KIR2DL3: variants seen among roughly 807,000 people sequenced by gnomAD.
The protein encoded by KIR2DL3 is killer cell immunoglobulin like receptor, two Ig domains and long cytoplasmic tail 3.
A neutral mutation model predicts 33.8 loss-of-function variants in KIR2DL3; 39 were observed. The ratio of observed to expected loss-of-function variants is 1.15; its 90% CI spans 0.89 to 1.51. KIR2DL3 has a LOEUF of 1.51. Among genes scored for constraint, KIR2DL3 ranks in the 40% most tolerant of loss-of-function variants. The pLI is 0.00. For missense variants in KIR2DL3, 462 were observed against 426.2 expected, an observed-to-expected ratio of 1.08 and a Z score of -0.74; for synonymous variants, 174 against 160.2, an observed-to-expected ratio of 1.09 and a Z score of -0.65.
intron 4 of KIR2DL3, among the ~76,000 whole-genome samples, chr19:54,746,580 G>A (rs1376558060): frequency 1.4e-5 from 2 of 147,608 alleles, no homozygotes; most frequent in South Asian, 4.5e-4. Context: ...TATAGTGACA[G>A]GTAGAGGTGC....
intron 4 of KIR2DL3, among the ~76,000 whole-genome samples, chr19:54,745,206 G>A (rs2072265934): frequency 6.6e-6 from 1 of 151,944 alleles, no homozygotes; most frequent in Non-Finnish European, 1.5e-5. Context: ...CTGATGGGCA[G>A]GTAGGTTGAC....
chr19:54,744,206 TG>T (rs2071803089), intron 4 of KIR2DL3, 118 bp downstream of exon 4: 47 of 1,488,708 alleles, frequency 3.2e-5, no homozygotes, highest in Non-Finnish European at 4.2e-5. Context: ...AGCTTGGGTG[TG>T]AGGGAGGGAT....
chr19:54,750,351 A>G (rs913758165), intron 5 of KIR2DL3, among the ~76,000 whole-genome samples: 1 of 141,776 alleles, frequency 7.1e-6, no homozygotes, highest in Non-Finnish European at 1.5e-5. Flanking sequence ...GTATTGAAGC[A>G]ATAGATGGCC....
Position 54,750,235 on chromosome 19 carries a change from G to A in KIR2DL3, c.716-1414G>A, listed in dbSNP as rs1288579719. Among the ~76,000 whole-genome samples the A allele has an allele frequency of 1.5e-5, 2 of 133,414 alleles. 1 individual carries two copies. Among genetic ancestry groups the A allele is most frequent in the Non-Finnish European group, 3.3e-5 (2 of 60,964 alleles). The allele number at this position is 133,414 out of a possible 152,430, so 87.5% of individuals were successfully genotyped here. On this transcript the variant is annotated intron_variant, in intron 5 of 7. Coordinates refer to ENST00000342376, the MANE Select transcript of KIR2DL3 (RefSeq NM_015868.3). ...TGGAGATTCAGATAGGCTATGGGGA[G>A]GTAAACATTGATACTCCTTGGAGTG...
In KIR2DL3 at chr19:54,744,583, G is replaced by T. The variant is rs867721882; in HGVS notation, c.664+495G>T. On this transcript the variant is annotated intron_variant, in intron 4 of 7. Coordinates refer to ENST00000342376, the MANE Select transcript of KIR2DL3 (RefSeq NM_015868.3). ...GCTCTGTCCCCTATGCTGGAGTGCAGTGGCACAATCTCAGCTCACTGCAAC... is the reference window on the plus strand; with the variant it reads ...GCTCTGTCCCCTATGCTGGAGTGCATTGGCACAATCTCAGCTCACTGCAAC... Among the ~76,000 whole-genome samples the T allele has an allele frequency of 7.5e-4, 113 of 150,378 alleles. No individual in the cohort carries two copies. In the Middle Eastern group the frequency reaches 0.014, roughly 18 times the overall value.
rs111263451 is a variant in KIR2DL3 at position 54,738,744 on chromosome 19, A to C, written c.34+165A>C. Among the ~76,000 whole-genome samples, 29 of 129,298 alleles carry C rather than the reference A, an allele frequency of 2.2e-4. 1 individual carries two copies. The highest frequency in any genetic ancestry group is 8.7e-4 in the African/African-American group (28 of 32,268). 84.8% of individuals were successfully genotyped at this position (129,298 alleles called of 152,430 possible). Reference sequence around the variant, plus strand: ...GGAGATCTGGGCCTGGAGTGGAGATATGGGCCTGGAGGTTGAGATATGGGC... The same window carrying C: ...GGAGATCTGGGCCTGGAGTGGAGATCTGGGCCTGGAGGTTGAGATATGGGC... On this transcript the variant is annotated intron_variant, in intron 1 of 7. Coordinates refer to ENST00000342376, the MANE Select transcript of KIR2DL3 (RefSeq NM_015868.3).
intron 4 of KIR2DL3, among the ~76,000 whole-genome samples, chr19:54,744,538 T>C (rs1334836936): frequency 6.6e-6 from 1 of 152,042 alleles, no homozygotes; most frequent in Non-Finnish European, 1.5e-5. Context: ...ACATTTTTTT[T>C]TTTTTTGAGG....
In KIR2DL3 at chr19:54,752,566, G is replaced by T; in HGVS notation, c.*47G>T. ...TGAGCACCACAGTCAGGCCTTGAGG[G>T]GATCTTCTAGGGAGACAACAGCCCT... On this transcript the variant is annotated 3_prime_UTR_variant, in exon 8 of 8. Coordinates refer to ENST00000342376, the MANE Select transcript of KIR2DL3 (RefSeq NM_015868.3). 1.4e-6 allele frequency: 2 copies of T among 1,458,772 alleles called. 1 individual carries two copies. Among genetic ancestry groups the T allele is most frequent in the Non-Finnish European group, 1.9e-6 (2 of 1,072,044 alleles). The allele number at this position is 1,458,772 out of a possible 1,614,324, so 90.4% of individuals were successfully genotyped here. A position where few individuals can be genotyped will look rare whatever the true frequency, so the allele number is the denominator to read the frequency against.
chr19:54,745,144 T>A (rs1226394341), intron 4 of KIR2DL3, among the ~76,000 whole-genome samples: 2 of 151,588 alleles, frequency 1.3e-5, no homozygotes, highest in Non-Finnish European at 2.9e-5. Context: ...TTTCTATGGA[T>A]GAGTAGTCTC....
chr19:54,743,365 G>T (rs629758), intron 3 of KIR2DL3, among the ~76,000 whole-genome samples: 1 of 149,174 alleles, frequency 6.7e-6, no homozygotes, highest in Admixed American at 6.7e-5. Context: ...AGATAGACAA[G>T]TGATAGATAC....
intron 3 of KIR2DL3, 118 bp downstream of exon 3, chr19:54,742,397 C>T: frequency 1.4e-6 from 2 of 1,438,592 alleles, no homozygotes; most frequent in Non-Finnish European, 1.9e-6. Context: ...GAGAGACTGA[C>T]TTGCTGAGGT....
chr19:54,744,936 A>G (rs1261380790), intron 4 of KIR2DL3, among the ~76,000 whole-genome samples: 992 of 23,648 alleles, frequency 0.042, 46 homozygotes, highest in African/African-American at 0.13. Context: ...ATATATATAT[A>G]TATATATATA....
At chr19:54,744,948 ATATATATTTTTTTTT>A (rs1568967778) in intron 4 of KIR2DL3, among the ~76,000 whole-genome samples, 8 of 26,252 alleles carry the variant, frequency 3.0e-4, no homozygotes, top group South Asian at 1.5e-3. Flanking sequence ...ATATATATAT[ATATATATTTTTTTTT>A]TTTTTTTTTT....
At chr19:54,745,495 T>A (rs1422299453) in intron 4 of KIR2DL3, among the ~76,000 whole-genome samples, 4 of 151,932 alleles carry the variant, frequency 2.6e-5, no homozygotes, top group Non-Finnish European at 5.9e-5. Flanking sequence ...CCCTAGTAGC[T>A]GGGATTACAG....
chr19:54,748,309 C>A (rs1485580077), intron 5 of KIR2DL3, among the ~76,000 whole-genome samples: 9 of 151,688 alleles, frequency 5.9e-5, no homozygotes, highest in South Asian at 2.1e-4. Flanking sequence ...CCCTCATAAT[C>A]TCCTGGAAAT....
At chr19:54,745,634 G>A (rs553644470) in intron 4 of KIR2DL3, among the ~76,000 whole-genome samples, 68 of 151,046 alleles carry the variant, frequency 4.5e-4, no homozygotes, top group Non-Finnish European at 8.9e-4. Context: ...AAAGTGCCGG[G>A]ATTACAGGCA....
At chr19:54,751,835 CAGA>C in intron 6 of KIR2DL3, 82 bp downstream of exon 6, 16 of 1,176,120 alleles carry the variant, frequency 1.4e-5, no homozygotes, top group South Asian at 4.4e-5. Context: ...GTGTTCCTCA[CAGA>C]CAGGATGGTC....
intron 4 of KIR2DL3, 93 bp from the exon 5 acceptor site, chr19:54,747,242 C>T (rs1486500985): frequency 1.3e-6 from 2 of 1,499,348 alleles, no homozygotes; most frequent in Non-Finnish European, 1.9e-6. Flanking sequence ...TATTAGATAA[C>T]AGAGTGTTGG....
chr19:54,741,469 A>G (rs2071089961), intron 2 of KIR2DL3, among the ~76,000 whole-genome samples: 1 of 152,202 alleles, frequency 6.6e-6, no homozygotes. Flanking sequence ...TCCTCCAACC[A>G]GCACCAGGAG....
Sources: allele counts gnomAD v4.1 joint callset (sites outside exome capture counted in the v4.1 genomes callset), GRCh38; gene constraint gnomAD v4.1.1; transcripts MANE v1.5; gene names NCBI Gene and HGNC (gene_info 2026-07-23, HGNC 2026-07-21).